JARID2: variants seen among roughly 807,000 people sequenced by gnomAD.
The protein encoded by JARID2 is jumonji and AT-rich interaction domain containing 2, also known as protein Jumonji.
JARID2 carries 21 observed loss-of-function variants against 125.6 expected under a neutral mutation model. The observed-to-expected ratio is 0.17, with a 90% CI of 0.12 to 0.24. The LOEUF (loss-of-function observed/expected upper bound fraction) is 0.24, where lower values mean the gene tolerates loss of function less well. JARID2 is among the 10% of genes least tolerant of loss of function. JARID2 has a pLI of 1.00. For missense variants in JARID2, 1,303 were observed against 1,639.6 expected (o/e 0.79, Z 3.55); for synonymous variants, 736 against 661.6 (o/e 1.11, Z -1.73).
intron 1 of JARID2, among the ~76,000 whole-genome samples, chr6:15,368,121 T>C (rs2127505281): frequency 6.6e-6 from 1 of 152,350 alleles, no homozygotes; most frequent in Middle Eastern, 3.4e-3. Context: ...TTTAAAAGTG[T>C]GGATCATGTA....
intron 3 of JARID2, among the ~76,000 whole-genome samples, chr6:15,437,760 C>T (rs1375388305): frequency 1.3e-5 from 2 of 151,560 alleles, no homozygotes; most frequent in Non-Finnish European, 2.9e-5. Flanking sequence ...GCTGAGATCA[C>T]GCCACTGGAC....
At chr6:15,418,686 A>G (rs1766348786) in intron 3 of JARID2, among the ~76,000 whole-genome samples, 1 of 152,332 alleles carries the variant, frequency 6.6e-6, no homozygotes, top group South Asian at 2.1e-4. Flanking sequence ...TTTCGATCCA[A>G]TAGGACTTAG....
chr6:15,396,560 C>T (rs1430631748), intron 2 of JARID2, among the ~76,000 whole-genome samples: 1 of 152,170 alleles, frequency 6.6e-6, no homozygotes, highest in African/African-American at 2.4e-5. Flanking sequence ...ATGCCTGAAA[C>T]TGTCGCTATT....
At chr6:15,286,627 G>A (rs899119299) in intron 1 of JARID2, among the ~76,000 whole-genome samples, 2 of 151,794 alleles carry the variant, frequency 1.3e-5, no homozygotes, top group African/African-American at 2.4e-5. Context: ...TTGGGAGGCC[G>A]AGACGGGCGG....
At chr6:15,295,876 T>C (rs1761394197) in intron 1 of JARID2, among the ~76,000 whole-genome samples, 1 of 152,180 alleles carries the variant, frequency 6.6e-6, no homozygotes, top group Non-Finnish European at 1.5e-5. Flanking sequence ...TTGGCCAGGC[T>C]GGTCTCGAAC....
chr6:15,267,863 C>T (rs1237468433), intron 1 of JARID2, among the ~76,000 whole-genome samples: 1 of 152,234 alleles, frequency 6.6e-6, no homozygotes, highest in Middle Eastern at 3.4e-3. Flanking sequence ...TGAGAAAAAA[C>T]TGCATTCAGC....
intron 1 of JARID2, among the ~76,000 whole-genome samples, chr6:15,338,370 A>C (rs1229486680): frequency 6.6e-6 from 1 of 152,208 alleles, no homozygotes; most frequent in Non-Finnish European, 1.5e-5. Flanking sequence ...CTGGAGGAAA[A>C]ATGCGTCGTA....
chr6:15,507,306 C>A, intron 10 of JARID2, 40 bp from the exon 11 acceptor site: 2 of 1,605,290 alleles, frequency 1.2e-6, no homozygotes, highest in African/African-American at 1.3e-5. Context: ...TGCATCCTTT[C>A]CCCGCCAGTT....
intron 1 of JARID2, among the ~76,000 whole-genome samples, chr6:15,367,975 ATAT>A (rs1764036916): frequency 6.6e-6 from 1 of 151,786 alleles, no homozygotes; most frequent in Non-Finnish European, 1.5e-5. Context: ...TTGAGGGCCC[ATAT>A]TATTGAAGAG....
chr6:15,371,367 T>G (rs1019859834), intron 1 of JARID2, among the ~76,000 whole-genome samples: 4 of 152,200 alleles, frequency 2.6e-5, no homozygotes, highest in Non-Finnish European at 4.4e-5. Context: ...GAAATAATAG[T>G]TTATAATCTC....
At chr6:15,457,981 C>T (rs12523678) in intron 4 of JARID2, among the ~76,000 whole-genome samples, 9,590 of 152,216 alleles carry the variant, frequency 0.063, 430 homozygotes, top group Middle Eastern at 0.18. Context: ...ATAGTGCAGC[C>T]GGCCCGAGGT....
chr6:15,507,617 G>A (rs982326591), intron 11 of JARID2, among the ~76,000 whole-genome samples: 1 of 152,226 alleles, frequency 6.6e-6, no homozygotes, highest in African/African-American at 2.4e-5. Context: ...AAGGTGGAAA[G>A]GTGAACCGCA....
chr6:15,503,961 C>T (rs753317008), intron 8 of JARID2, among the ~76,000 whole-genome samples: 43 of 152,232 alleles, frequency 2.8e-4, no homozygotes, highest in Non-Finnish European at 5.6e-4. Flanking sequence ...GGAGAGAAGG[C>T]GACCAGGTCG....
chr6:15,511,671 C>T (rs1028131089), intron 13 of JARID2, among the ~76,000 whole-genome samples: 2 of 152,182 alleles, frequency 1.3e-5, no homozygotes, highest in East Asian at 1.9e-4. Flanking sequence ...TTGTGCCCGC[C>T]GCTCCTACCT....
At chr6:15,335,893 C>A (rs1762860294) in intron 1 of JARID2, among the ~76,000 whole-genome samples, 1 of 152,000 alleles carries the variant, frequency 6.6e-6, no homozygotes, top group African/African-American at 2.4e-5. Flanking sequence ...GAATTTGAGA[C>A]CAGTCTGGGC....
chr6:15,442,472 T>TCTTTATGTAGTCCCTTCTGC (rs1258456592), intron 3 of JARID2, among the ~76,000 whole-genome samples: 6 of 152,236 alleles, frequency 3.9e-5, no homozygotes, highest in African/African-American at 1.4e-4. Flanking sequence ...ACTCTTACTG[T>TCTTTATGTAGTCCCTTCTGC]CTTTATGTAG....
At chr6:15,306,328 C>CTTTTTTTTTTTTT (rs398000594) in intron 1 of JARID2, among the ~76,000 whole-genome samples, 2 of 99,250 alleles carry the variant, frequency 2.0e-5, no homozygotes, top group African/African-American at 3.8e-5. Flanking sequence ...AGTCATATTT[C>CTTTTTTTTTTTTT]TTTTTTTTTT....
intron 1 of JARID2, among the ~76,000 whole-genome samples, chr6:15,365,160 CTATT>C (rs1158734474): frequency 1.3e-5 from 2 of 152,102 alleles, no homozygotes; most frequent in African/African-American, 4.8e-5. Context: ...TGATATTGAA[CTATT>C]TATTTGATTT....
At chr6:15,435,921 T>C (rs917252823) in intron 3 of JARID2, among the ~76,000 whole-genome samples, 1 of 152,034 alleles carries the variant, frequency 6.6e-6, no homozygotes. Context: ...TTTTATGGTT[T>C]CTATTGAAAT....
Sources: gnomAD v4.1 joint callset for allele counts (sites outside exome capture counted in the v4.1 genomes callset) on GRCh38, gnomAD v4.1.1 for gene constraint, MANE v1.5 for transcripts, NCBI Gene and HGNC (gene_info 2026-07-23, HGNC 2026-07-21) for gene names.